The following PRORP variants were observed in gnomAD, a reference collection of about 807,000 sequenced individuals.
PRORP encodes the protein mitochondrial ribonuclease P catalytic subunit.
A neutral mutation model predicts 59.4 loss-of-function variants in PRORP; 51 were observed. That is an observed-to-expected ratio of 0.86 (90% CI 0.69 to 1.08). PRORP has a LOEUF of 1.08. Among genes scored for constraint, PRORP ranks in the 50% least tolerant of loss-of-function variants. The pLI, the probability that PRORP is intolerant of heterozygous loss-of-function variation, is 0.00. For missense variants in PRORP, 646 were observed against 690.3 expected, an observed-to-expected ratio of 0.94 and a Z score of 0.72; for synonymous variants, 231 against 245.6, an observed-to-expected ratio of 0.94 and a Z score of 0.55.
At chr14:35,136,051 G>A (rs1343976027) in intron 4 of PRORP, among the ~76,000 whole-genome samples, 2 of 152,118 alleles carry the variant, frequency 1.3e-5, no homozygotes, top group African/African-American at 4.8e-5. Flanking sequence ...GAGTTGAAAA[G>A]GATAAGATTG....
chr14:35,231,798 G>T (rs1274231207), intron 5 of PRORP, among the ~76,000 whole-genome samples: 1 of 152,158 alleles, frequency 6.6e-6, no homozygotes, highest in Non-Finnish European at 1.5e-5. Context: ...TAAAGATGAT[G>T]TTGAGGGTTG....
intron 4 of PRORP, among the ~76,000 whole-genome samples, chr14:35,131,786 C>T (rs1441354833): frequency 2.6e-5 from 4 of 151,960 alleles, no homozygotes; most frequent in Non-Finnish European, 4.4e-5. Flanking sequence ...GCCTCAGCCT[C>T]CCAAAGTGCT....
In PRORP at chr14:35,273,668, G is replaced by T; in HGVS notation, c.*102G>T. 2.0e-6 allele frequency: 2 copies of T among 1,020,034 alleles called. No individual in the cohort carries two copies. Among genetic ancestry groups the T allele is most frequent in the Non-Finnish European group, 2.8e-6 (2 of 724,316 alleles). The allele number at this position is 1,020,034 out of a possible 1,614,324, so 63.2% of individuals were successfully genotyped here. A position where few individuals can be genotyped will look rare whatever the true frequency, so the allele number is the denominator to read the frequency against. On this transcript the variant is annotated 3_prime_UTR_variant, in exon 8 of 8. Transcript: ENST00000534898. ...TTTAGGGCATTGCCTCTGTCCTGAAGATAAAAGGATTCTATTAACAGCATT... is the reference window on the plus strand; with the variant it reads ...TTTAGGGCATTGCCTCTGTCCTGAATATAAAAGGATTCTATTAACAGCATT...
chr14:35,228,426 A>G (rs1458121782), intron 5 of PRORP, among the ~76,000 whole-genome samples: 1 of 152,154 alleles, frequency 6.6e-6, no homozygotes, highest in African/African-American at 2.4e-5. Flanking sequence ...ATAGTACCCA[A>G]TAGTTAGTGT....
In PRORP at chr14:35,139,913, G is replaced by C. The variant is rs899782272; in HGVS notation, c.1167+12302G>C. Among the ~76,000 whole-genome samples the C allele has an allele frequency of 1.4e-5, 2 of 145,540 alleles. 1 individual carries two copies. On this transcript the variant is annotated intron_variant, in intron 4 of 7. Transcript: ENST00000534898. ...CAGAAGCCAGATCCTGGCAATTGAT[G>C]GTGTTCCTTGGCTTTTAGCTGCATC...
chr14:35,131,771 C>A (rs567872942), intron 4 of PRORP, among the ~76,000 whole-genome samples: 4 of 151,876 alleles, frequency 2.6e-5, no homozygotes, highest in Non-Finnish European at 5.9e-5. Flanking sequence ...TCAGGTGATT[C>A]GCCTGCCTCA....
chr14:35,179,254 A>G (rs1026983648), intron 4 of PRORP, among the ~76,000 whole-genome samples: 2 of 152,064 alleles, frequency 1.3e-5, no homozygotes, highest in African/African-American at 2.4e-5. Context: ...TCTTTGTGGC[A>G]TTCTCTGTAT....
At chr14:35,230,500 G>A (rs1423357717) in intron 5 of PRORP, among the ~76,000 whole-genome samples, 1 of 152,208 alleles carries the variant, frequency 6.6e-6, no homozygotes, top group African/African-American at 2.4e-5. Context: ...AAGCTGTCTT[G>A]TTCTCCCTAA....
chr14:35,132,319 G>C (rs373926888), intron 4 of PRORP, among the ~76,000 whole-genome samples: 5 of 150,684 alleles, frequency 3.3e-5, no homozygotes, highest in Admixed American at 6.6e-5. Flanking sequence ...TTAGCCAGGC[G>C]TGGTGGCGGG....
chr14:35,200,191 T>G (rs1297359014), intron 5 of PRORP, among the ~76,000 whole-genome samples: 1 of 152,062 alleles, frequency 6.6e-6, no homozygotes, highest in Non-Finnish European at 1.5e-5. Context: ...TTTTTGTTTG[T>G]TTGTTTGTTT....
At chr14:35,191,097 G>A (rs1595276315) in intron 5 of PRORP, among the ~76,000 whole-genome samples, 1 of 152,120 alleles carries the variant, frequency 6.6e-6, no homozygotes, top group Non-Finnish European at 1.5e-5. Flanking sequence ...ATTTGGCTAT[G>A]TCTCCACCCA....
rs1269561416 is a variant in PRORP, at chr14:35,275,856, G to C, written c.*2290G>C. The C allele has an allele frequency of 1.7e-5, 1 of 58,748 alleles. No individual in the cohort carries two copies. The highest frequency in any genetic ancestry group is 3.4e-5 in the Non-Finnish European group (1 of 29,534). The allele number at this position is 58,748 out of a possible 1,614,324, so 3.6% of individuals were successfully genotyped here. On this transcript the variant is annotated 3_prime_UTR_variant, in exon 8 of 8. Transcript: ENST00000534898. ...GAAGAAAACTAGAACTTTAGAGCAG[G>C]AGTAACCTTAGAGCATGTAAAGTCC...
At chr14:35,205,633 A>G (rs1345256455) in intron 5 of PRORP, among the ~76,000 whole-genome samples, 2 of 152,248 alleles carry the variant, frequency 1.3e-5, no homozygotes, top group African/African-American at 2.4e-5. Flanking sequence ...TATCTGCTCT[A>G]TTAACAGAGA....
At chr14:35,205,259 G>A (rs180800149) in intron 5 of PRORP, among the ~76,000 whole-genome samples, 14 of 152,318 alleles carry the variant, frequency 9.2e-5, no homozygotes, top group African/African-American at 3.4e-4. Context: ...TCGGCCCTCT[G>A]CAACCTCCAC....
chr14:35,158,944 C>G (rs1466590371), intron 4 of PRORP: 2 of 347,564 alleles, frequency 5.8e-6, no homozygotes, highest in African/African-American at 4.4e-5. Context: ...TTCAAACGTT[C>G]TCTTCACTGA....
intron 7 of PRORP, 54 bp from the exon 8 acceptor site, chr14:35,273,381 C>T: frequency 6.6e-7 from 1 of 1,510,188 alleles, no homozygotes. Context: ...GAGAAATGGC[C>T]AAGTAGCCCT....
chr14:35,157,437 A>G (rs1045221806), intron 4 of PRORP, among the ~76,000 whole-genome samples: 1 of 152,206 alleles, frequency 6.6e-6, no homozygotes, highest in Non-Finnish European at 1.5e-5. Flanking sequence ...ATTAAGTACC[A>G]GATTAGCAGA....
In PRORP at chr14:35,139,666, T is replaced by C. The variant is rs535421826; in HGVS notation, c.1167+12055T>C. Among the ~76,000 whole-genome samples the C allele has an allele frequency of 1.5e-4, 22 of 146,232 alleles. 3 individuals carry two copies. Among genetic ancestry groups the C allele is most frequent in the South Asian group, 6.7e-4 (3 of 4,502 alleles). ...TTAGGTTATTTCCAGTTTGGTGCTG[T>C]TATAAATAAAGCTGATTAGAACAGT... On this transcript the variant is annotated intron_variant, in intron 4 of 7. Transcript: ENST00000534898.
Position 35,274,721 on chromosome 14 carries a change from T to G in PRORP, c.*1155T>G, listed in dbSNP as rs1247898152. ...CCTCACTTCTCTAGACTATGATGGTTTTTTCTTCATTCTATAATCTCTTTT... is the reference window on the plus strand; with the variant it reads ...CCTCACTTCTCTAGACTATGATGGTGTTTTCTTCATTCTATAATCTCTTTT... On this transcript the variant is annotated 3_prime_UTR_variant, in exon 8 of 8. Transcript: ENST00000534898. 1 of 152,162 alleles carries G rather than the reference T, an allele frequency of 6.6e-6. No homozygotes were observed. The highest frequency in any genetic ancestry group is 1.5e-5 in the Non-Finnish European group (1 of 68,028). 9.4% of individuals were successfully genotyped at this position (152,162 alleles called of 1,614,324 possible). A position where few individuals can be genotyped will look rare whatever the true frequency, so the allele number is the denominator to read the frequency against.
Sources: allele counts gnomAD v4.1 joint callset (sites outside exome capture counted in the v4.1 genomes callset), GRCh38; gene constraint gnomAD v4.1.1; transcripts MANE v1.5; gene names NCBI Gene and HGNC (gene_info 2026-07-23, HGNC 2026-07-21).